PHACTR2: variants seen among roughly 807,000 people sequenced by gnomAD.
The protein encoded by PHACTR2 is phosphatase and actin regulator 2.
In PHACTR2, 30 loss-of-function variants were observed where a neutral mutation model predicts 76.0. The observed-to-expected ratio is 0.39, with a 90% CI of 0.30 to 0.54. PHACTR2 has a LOEUF of 0.54. Ranked by LOEUF, PHACTR2 falls within the 20% of genes least tolerant of loss-of-function variation. The pLI is 0.61. For synonymous variants in PHACTR2, 292 were observed against 292.5 expected, an observed-to-expected ratio of 1.00 and a Z score of 0.02; for missense variants, 696 against 781.1, an observed-to-expected ratio of 0.89 and a Z score of 1.30.
chr6:143,678,499 C>T lies in PHACTR2; in HGVS notation c.46+290C>T, dbSNP rs1329326424. On this transcript the variant is annotated intron_variant, in intron 1 of 12. Transcript: ENST00000440869. The surrounding 1 kb of genome is among the most constrained non-coding windows in gnomAD (Gnocchi z 6.2). ...GGAGCCAGAAACTTACGGGAAACGC[C>T]ATTTGCGTATTACAGTGTTTTTAAA... is the stretch of plus-strand genomic sequence containing the variant. 1.3e-5 allele frequency among the ~76,000 whole-genome samples: 2 copies of T among 152,200 alleles called. No homozygotes were observed. The highest frequency in any genetic ancestry group is 2.9e-5 in the Non-Finnish European group (2 of 68,020).
In PHACTR2 at chr6:143,827,115, C is replaced by G. The variant is rs536764009; in HGVS notation, c.*3426C>G. 1.5e-5 allele frequency: 2 copies of G among 133,148 alleles called. No individual in the cohort carries two copies. Among genetic ancestry groups the G allele is most frequent in the Non-Finnish European group, 3.1e-5 (2 of 64,358 alleles). The allele number at this position is 133,148 out of a possible 1,614,324, so 8.2% of individuals were successfully genotyped here. ...AGTCAAAAAAGGTCCAGTTTTACAGCCTGCAATTAATTCAGGGCTGCGTTG... is the reference window on the plus strand; with the variant it reads ...AGTCAAAAAAGGTCCAGTTTTACAGGCTGCAATTAATTCAGGGCTGCGTTG... On this transcript the variant is annotated 3_prime_UTR_variant, in exon 13 of 13. Transcript: ENST00000440869.
At chr6:143,723,845 T>A (rs1322540980) in intron 2 of PHACTR2, among the ~76,000 whole-genome samples, 1 of 152,250 alleles carries the variant, frequency 6.6e-6, no homozygotes, top group Non-Finnish European at 1.5e-5. Flanking sequence ...TATTAACTCT[T>A]GACAGGACAT....
intron 2 of PHACTR2, among the ~76,000 whole-genome samples, chr6:143,712,681 A>G (rs569887424): frequency 2.0e-5 from 3 of 152,202 alleles, no homozygotes; most frequent in East Asian, 3.9e-4. Context: ...TTTTTGATGT[A>G]TTTATTCTTT....
intron 1 of PHACTR2, among the ~76,000 whole-genome samples, chr6:143,559,348 G>A (rs1413726926): frequency 1.3e-5 from 2 of 152,200 alleles, no homozygotes; most frequent in Non-Finnish European, 2.9e-5. Flanking sequence ...AGACCAGGCT[G>A]TTTCAAAATC....
Position 143,757,981 on chromosome 6 carries a change from ACACACACATAACT to A in PHACTR2, c.455-2419_455-2407del, listed in dbSNP as rs1310391449. ...CGTGCGCGCACACACACACACACAC[ACACACACATAACT>A]TAAGAATTACCAGAATGACAAATGT... On this transcript the variant is annotated intron_variant, in intron 4 of 12. Coordinates refer to ENST00000440869, the MANE Select transcript of PHACTR2 (RefSeq NM_001100164.2). This position sits in a 1 kb window ranked among gnomAD's most constrained non-coding sequence, Gnocchi z 4.2. Among the ~76,000 whole-genome samples the A allele has an allele frequency of 1.6e-4, 24 of 150,888 alleles. No homozygotes were observed. The highest frequency in any genetic ancestry group is 6.0e-4 in the African/African-American group (24 of 40,204).
intron 1 of PHACTR2, among the ~76,000 whole-genome samples, chr6:143,640,847 T>A (rs1187898168): frequency 6.6e-6 from 1 of 152,130 alleles, no homozygotes; most frequent in African/African-American, 2.4e-5. Context: ...AAGTTAAGGA[T>A]CTTAAGATGA....
At chr6:143,637,808 A>G (rs941079140) in intron 1 of PHACTR2, among the ~76,000 whole-genome samples, 1 of 152,258 alleles carries the variant, frequency 6.6e-6, no homozygotes, top group African/African-American at 2.4e-5. Context: ...AACATAATAC[A>G]ATCACAGGAG....
intron 6 of PHACTR2, among the ~76,000 whole-genome samples, chr6:143,770,181 ATTC>A (rs1366999705): frequency 6.6e-6 from 1 of 152,230 alleles, no homozygotes; most frequent in Admixed American, 6.5e-5. Flanking sequence ...AAGGAAGCAG[ATTC>A]TCACACATGC....
At position 143,597,970 on chromosome 6, in the gene PHACTR2, C is replaced by A. The variant is rs1221071812; in HGVS notation, c.217+60763C>A. ...ACTTCAGGTGCACCTACGGAAGTAG[C>A]GGTGGGGGCTTTGGCTGTTTCTGAG... On this transcript the variant is annotated intron_variant, in intron 1 of 11. Coordinates refer to the PHACTR2 transcript ENST00000367584. The surrounding 1 kb of genome is among the most constrained non-coding windows in gnomAD (Gnocchi z 5.7). Among the ~76,000 whole-genome samples the A allele has an allele frequency of 6.6e-6, 1 of 152,114 alleles. No individual in the cohort carries two copies. The highest frequency in any genetic ancestry group is 2.4e-5 in the African/African-American group (1 of 41,418).
Position 143,541,619 on chromosome 6 carries a change from G to A in PHACTR2, c.217+4412G>A, listed in dbSNP as rs775292384. 3.3e-5 allele frequency among the ~76,000 whole-genome samples: 5 copies of A among 151,886 alleles called. No individual in the cohort carries two copies. Among genetic ancestry groups the A allele is most frequent in the Non-Finnish European group, 7.4e-5 (5 of 68,004 alleles). On this transcript the variant is annotated intron_variant, in intron 1 of 11. Transcript: ENST00000367584. This position sits in a 1 kb window ranked among gnomAD's most constrained non-coding sequence, Gnocchi z 5.3. ...GTATCCCTATGCCCTGGTATATATAGGCATAGGGGTAACAGCAAATCCAGG... is the reference window on the plus strand; with the variant it reads ...GTATCCCTATGCCCTGGTATATATAAGCATAGGGGTAACAGCAAATCCAGG...
chr6:143,662,203 A>T lies in PHACTR2; in HGVS notation c.14-49813A>T, dbSNP rs1776958659. 6.6e-6 allele frequency among the ~76,000 whole-genome samples: 1 copy of T among 152,172 alleles called. No individual in the cohort carries two copies. Among genetic ancestry groups the T allele is most frequent in the South Asian group, 2.1e-4 (1 of 4,834 alleles). On this transcript the variant is annotated intron_variant, in intron 1 of 11. Coordinates refer to the PHACTR2 transcript ENST00000305766. This position sits in a 1 kb window ranked among gnomAD's most constrained non-coding sequence, Gnocchi z 4.7. ...TACTGAAATCCATTTTATATTAAAA[A>T]GCCTCTTCAATATGCACAACTTACC...
At chr6:143,735,177 C>G (rs185969213) in intron 2 of PHACTR2, among the ~76,000 whole-genome samples, 1 of 152,270 alleles carries the variant, frequency 6.6e-6, no homozygotes, top group African/African-American at 2.4e-5. Context: ...CAAGCCTAGA[C>G]TGTAAGTTTT....
intron 1 of PHACTR2, among the ~76,000 whole-genome samples, chr6:143,704,762 C>A (rs1302757240): frequency 6.6e-6 from 1 of 152,138 alleles, no homozygotes; most frequent in Non-Finnish European, 1.5e-5. Flanking sequence ...GCAGTGGTGT[C>A]TCCTTAGGCT....
At chr6:143,728,124 A>T (rs551112914) in intron 2 of PHACTR2, among the ~76,000 whole-genome samples, 1 of 152,062 alleles carries the variant, frequency 6.6e-6, no homozygotes, top group South Asian at 2.1e-4. Context: ...CAAAATCAAC[A>T]TAAAAATCAG....
intron 2 of PHACTR2, among the ~76,000 whole-genome samples, chr6:143,728,358 C>T (rs2128465045): frequency 6.6e-6 from 1 of 151,550 alleles, no homozygotes; most frequent in East Asian, 1.9e-4. Flanking sequence ...ACTACAGGCG[C>T]ACACCACCAC....
intron 11 of PHACTR2, among the ~76,000 whole-genome samples, chr6:143,805,026 C>G (rs760581494): frequency 3.3e-5 from 5 of 152,188 alleles, no homozygotes; most frequent in Non-Finnish European, 5.9e-5. Context: ...AAGTGACTCA[C>G]TAAGGGTCAC....
In PHACTR2 at chr6:143,791,926, G is replaced by A. The variant is rs939134306; in HGVS notation, c.1845+3016G>A. On this transcript the variant is annotated intron_variant, in intron 11 of 12. Coordinates refer to ENST00000440869, the MANE Select transcript of PHACTR2 (RefSeq NM_001100164.2). This position sits in a 1 kb window ranked among gnomAD's most constrained non-coding sequence, Gnocchi z 4.7. ...TAGCTGATGGCTTCAAATTTTCAGG[G>A]TACATTTCATCACTCCCTGCCTATC... Among the ~76,000 whole-genome samples the A allele has an allele frequency of 1.3e-5, 2 of 152,056 alleles. No individual in the cohort carries two copies. The highest frequency in any genetic ancestry group is 2.9e-5 in the Non-Finnish European group (2 of 68,000).
chr6:143,628,309 A>C lies in PHACTR2; in HGVS notation c.13+19987A>C, dbSNP rs143309074. On this transcript the variant is annotated intron_variant, in intron 1 of 11. Coordinates refer to the PHACTR2 transcript ENST00000305766. Reference sequence around the variant, plus strand: ...CCTATTGTTGCTGTAACAAATTGCCACAAACTTTGTGACTGAAGGCAGCAT... The same window carrying C: ...CCTATTGTTGCTGTAACAAATTGCCCCAAACTTTGTGACTGAAGGCAGCAT... Among the ~76,000 whole-genome samples, 4 of 152,350 alleles carry C rather than the reference A, an allele frequency of 2.6e-5. No homozygotes were observed. In the East Asian group the frequency reaches 7.7e-4, roughly 29 times the overall value.
At chr6:143,590,539 C>A (rs1775678196) in intron 1 of PHACTR2, among the ~76,000 whole-genome samples, 1 of 151,440 alleles carries the variant, frequency 6.6e-6, no homozygotes, top group Non-Finnish European at 1.5e-5. Context: ...CTAATTACAG[C>A]ATCCTAGATT....
Sources: gnomAD v4.1 joint callset for allele counts (sites outside exome capture counted in the v4.1 genomes callset) on GRCh38, gnomAD v4.1.1 for gene constraint, Gnocchi (gnomAD v3.1) non-coding constraint, MANE v1.5 for transcripts, NCBI Gene and HGNC (gene_info 2026-07-23, HGNC 2026-07-21) for gene names.